The following UBL3 variants were observed in gnomAD, a reference collection of about 807,000 sequenced individuals.
UBL3 encodes the protein ubiquitin-like protein 3.
UBL3 carries 6 observed loss-of-function variants against 18.4 expected under a neutral mutation model. The ratio of observed to expected loss-of-function variants is 0.33; its 90% CI spans 0.18 to 0.64. UBL3 has a LOEUF of 0.64. Among genes scored for constraint, UBL3 ranks in the 30% least tolerant of loss-of-function variants. The pLI is 0.76. For missense variants in UBL3, 109 were observed against 142.9 expected (o/e 0.76, Z 1.21); for synonymous variants, 49 against 46.6 (o/e 1.05, Z -0.21).
chr13:29,823,102 T>C (rs944947308), intron 1 of UBL3, among the ~76,000 whole-genome samples: 4 of 152,252 alleles, frequency 2.6e-5, no homozygotes, highest in Non-Finnish European at 5.9e-5. Context: ...ATTACAAAAT[T>C]AGAATGAAAG....
chr13:29,839,754 C>T (rs559420082), intron 1 of UBL3, among the ~76,000 whole-genome samples: 2 of 152,096 alleles, frequency 1.3e-5, no homozygotes, highest in African/African-American at 2.4e-5. Flanking sequence ...GGTGAGACCC[C>T]GTCTCTACTA....
intron 1 of UBL3, among the ~76,000 whole-genome samples, chr13:29,837,627 T>G (rs1319366495): frequency 6.6e-6 from 1 of 152,052 alleles, no homozygotes; most frequent in African/African-American, 2.4e-5. Flanking sequence ...TTTGTAATCA[T>G]GCCTGTAATC....
intron 1 of UBL3, among the ~76,000 whole-genome samples, chr13:29,835,132 ATATATATATATATATAT>A (rs1878912011): frequency 8.4e-4 from 5 of 5,950 alleles, no homozygotes; most frequent in East Asian, 0.013. Flanking sequence ...ATAAATATAT[ATATATATATATATATAT>A]ATATATATAT....
chr13:29,804,531 C>T (rs561813623), intron 1 of UBL3, among the ~76,000 whole-genome samples: 1 of 152,044 alleles, frequency 6.6e-6, no homozygotes, highest in African/African-American at 2.4e-5. Flanking sequence ...ATCAACAAAT[C>T]CAGGAGTTGG....
chr13:29,801,106 T>C (rs1051836997), intron 1 of UBL3, among the ~76,000 whole-genome samples: 4 of 152,132 alleles, frequency 2.6e-5, no homozygotes, highest in African/African-American at 4.8e-5. Context: ...CCCTCTGCCA[T>C]TGCAGATGCA....
intron 1 of UBL3, among the ~76,000 whole-genome samples, chr13:29,795,076 C>G (rs1877573970): frequency 6.6e-6 from 1 of 152,210 alleles, no homozygotes; most frequent in Non-Finnish European, 1.5e-5. Flanking sequence ...AGTACTCAGG[C>G]TATTCGCTCA....
chr13:29,788,537 C>G (rs1426855207), intron 1 of UBL3, among the ~76,000 whole-genome samples: 1 of 152,204 alleles, frequency 6.6e-6, no homozygotes, highest in African/African-American at 2.4e-5. Context: ...AAAACACCCT[C>G]TCAAGACTCC....
intron 1 of UBL3, among the ~76,000 whole-genome samples, chr13:29,812,782 G>GTAT (rs1878128916): frequency 6.6e-6 from 1 of 151,890 alleles, no homozygotes; most frequent in Non-Finnish European, 1.5e-5. Context: ...TGTGCTCTAA[G>GTAT]TATAATGCAC....
At chr13:29,802,818 TA>T (rs1399305823) in intron 1 of UBL3, among the ~76,000 whole-genome samples, 6 of 152,148 alleles carry the variant, frequency 3.9e-5, no homozygotes, top group African/African-American at 1.4e-4. Context: ...ATAAAGAGAC[TA>T]AATCTATGAC....
rs199961205 is a variant in UBL3, at chr13:29,767,327, G to A, written c.302-20C>T. 3.8e-5 allele frequency: 62 copies of A among 1,612,738 alleles called. No homozygotes were observed. In the African/African-American group the frequency reaches 8.0e-4, roughly 21 times the overall value. Reference sequence around the variant, plus strand: ...TCTGACCTAGGGAAAACGAAGAAGAGCCTCGTTTATAAAAATTCTAGAACT... The same window carrying A: ...TCTGACCTAGGGAAAACGAAGAAGAACCTCGTTTATAAAAATTCTAGAACT... On this transcript the variant is annotated intron_variant, in intron 4 of 4. Transcript: ENST00000380680.
chr13:29,835,167 T>TATAA, intron 1 of UBL3, among the ~76,000 whole-genome samples: 1 of 56,378 alleles, frequency 1.8e-5, no homozygotes, highest in Non-Finnish European at 3.1e-5. Flanking sequence ...TATATATATA[T>TATAA]ATATATATAT....
intron 1 of UBL3, among the ~76,000 whole-genome samples, chr13:29,827,890 C>T (rs1402406370): frequency 2.0e-5 from 3 of 152,194 alleles, no homozygotes; most frequent in African/African-American, 7.2e-5. Context: ...GACAAAATCT[C>T]TCAGCATTTG....
At chr13:29,805,899 G>T (rs540060972) in intron 1 of UBL3, among the ~76,000 whole-genome samples, 1 of 152,160 alleles carries the variant, frequency 6.6e-6, no homozygotes, top group South Asian at 2.1e-4. Context: ...CCTTGTGGCC[G>T]GACATGGTGG....
intron 1 of UBL3, among the ~76,000 whole-genome samples, chr13:29,833,173 T>C (rs1394797816): frequency 6.6e-6 from 1 of 151,540 alleles, no homozygotes; most frequent in Non-Finnish European, 1.5e-5. Flanking sequence ...CAGCCATTAG[T>C]AGGTAGTACA....
chr13:29,777,300 AAAATTTTTT>A (rs1877025800), intron 1 of UBL3, 37 bp from the exon 2 acceptor site: 1 of 1,527,470 alleles, frequency 6.5e-7, no homozygotes, highest in Non-Finnish European at 8.9e-7. Flanking sequence ...CATAAATCTA[AAAATTTTTT>A]AAGTAAAAAA....
intron 3 of UBL3, among the ~76,000 whole-genome samples, chr13:29,771,289 T>C (rs541033912): frequency 1.3e-5 from 2 of 152,042 alleles, no homozygotes; most frequent in Non-Finnish European, 1.5e-5. Flanking sequence ...TTTCCAATTA[T>C]CTGAATATAT....
chr13:29,807,203 C>A (rs1877919398), intron 1 of UBL3, among the ~76,000 whole-genome samples: 2 of 152,090 alleles, frequency 1.3e-5, no homozygotes, highest in Admixed American at 1.3e-4. Context: ...AATTCATTTT[C>A]TATAATGTCA....
intron 1 of UBL3, among the ~76,000 whole-genome samples, chr13:29,820,712 G>T (rs1320052944): frequency 1.3e-5 from 2 of 151,934 alleles, no homozygotes; most frequent in Admixed American, 1.3e-4. Flanking sequence ...AACATATTAG[G>T]TTCTGACCAT....
intron 1 of UBL3, among the ~76,000 whole-genome samples, chr13:29,796,012 C>T (rs545535551): frequency 1.2e-4 from 18 of 150,734 alleles, no homozygotes; most frequent in African/African-American, 4.4e-4. Context: ...TTCTATTGTT[C>T]GGTTCTTATA....
Sources: allele counts gnomAD v4.1 joint callset (sites outside exome capture counted in the v4.1 genomes callset), GRCh38; gene constraint gnomAD v4.1.1; transcripts MANE v1.5; gene names NCBI Gene and HGNC (gene_info 2026-07-23, HGNC 2026-07-21).